Variants in ASMTL observed in about 807,000 individuals in gnomAD.
The protein encoded by ASMTL is probable bifunctional dTTP/UTP pyrophosphatase/methyltransferase protein.
In ASMTL, 57 loss-of-function variants were observed where a neutral mutation model predicts 60.3. That is an observed-to-expected ratio of 0.95 (90% confidence interval 0.76 to 1.18). The LOEUF is 1.18. ASMTL is among the 50% of genes most tolerant of loss of function. The pLI, the probability that ASMTL is intolerant of heterozygous loss-of-function variation, is 0.00. For synonymous variants in ASMTL, 419 were observed against 373.0 expected, an observed-to-expected ratio of 1.12 and a Z score of -1.42; for missense variants, 981 against 852.6, an observed-to-expected ratio of 1.15 and a Z score of -1.88.
At chrX:1,435,138 A>C in intron 4 of ASMTL, 55 bp from the exon 5 acceptor site, 1 of 1,595,356 alleles carries the variant, frequency 6.3e-7, no homozygotes, top group Non-Finnish European at 8.6e-7. Flanking sequence ...TGGGAGCTAC[A>C]AAGCGAGTTT....
At chrX:1,418,216 GCATT>G in intron 10 of ASMTL, 100 bp from the exon 11 acceptor site, 1 of 1,333,022 alleles carries the variant, frequency 7.5e-7, no homozygotes, top group Non-Finnish European at 1.0e-6. Flanking sequence ...CAAGGGCATG[GCATT>G]GATTCCCATG....
intron 6 of ASMTL, among the ~76,000 whole-genome samples, chrX:1,430,582 G>A (rs1209320133): frequency 6.6e-6 from 1 of 151,768 alleles, no homozygotes. Context: ...ACCAGCCTGG[G>A]CAACATAGTG....
intron 3 of ASMTL, 58 bp downstream of exon 3, chrX:1,439,039 A>G (rs2091043266): frequency 2.5e-6 from 4 of 1,571,414 alleles, no homozygotes; most frequent in Admixed American, 3.3e-5. Context: ...AGGCAGAATC[A>G]CCAAGCACAG....
At chrX:1,420,960 AT>A (rs57552675) in intron 9 of ASMTL, among the ~76,000 whole-genome samples, 17,189 of 135,214 alleles carry the variant, frequency 0.13, 1,208 homozygotes, top group Middle Eastern at 0.22. Context: ...CTAATCGTTA[AT>A]TTTTTTTTTT....
intron 1 of ASMTL, among the ~76,000 whole-genome samples, chrX:1,444,127 A>G (rs1450979635): frequency 1.3e-5 from 2 of 151,968 alleles, no homozygotes; most frequent in Non-Finnish European, 2.9e-5. Context: ...CAACCCCGCA[A>G]TCAATTTTCC....
intron 2 of ASMTL, among the ~76,000 whole-genome samples, chrX:1,439,744 C>T (rs1406400881): frequency 6.7e-6 from 1 of 149,566 alleles, no homozygotes; most frequent in Non-Finnish European, 1.5e-5. Context: ...GCTGAGGCAG[C>T]AGAATCGCTT....
At chrX:1,443,140 C>CCGCCATCGTGGACACAT (rs1373341125) in intron 1 of ASMTL, among the ~76,000 whole-genome samples, 1 of 139,398 alleles carries the variant, frequency 7.2e-6, no homozygotes, top group African/African-American at 2.7e-5. Context: ...CGTGGACACA[C>CCGCCATCGTGGACACAT]GCCGCCATCT....
intron 12 of ASMTL, among the ~76,000 whole-genome samples, chrX:1,411,171 G>GTA (rs1569531276): frequency 7.3e-5 from 11 of 151,526 alleles, no homozygotes; most frequent in African/African-American, 2.7e-4. Flanking sequence ...GCGACAGAGC[G>GTA]AGACTCCGTC....
intron 4 of ASMTL, 27 bp downstream of exon 4, chrX:1,435,667 G>A (rs1208672415): frequency 6.2e-7 from 1 of 1,612,158 alleles, no homozygotes; most frequent in African/African-American, 1.3e-5. Flanking sequence ...GAACCCGAGA[G>A]GGCTCAGAGG....
Position 1,412,756 on chromosome X carries a change from T to C in ASMTL, c.1621A>G (p.Arg541Gly). ...PDDKVHKLLS[R>G]VAESCKPGAG... ...CCTGGCTTGCAGCTCTCGGCGACCCTGCTGAGTAACTTGTGGACTTTGTCG... is the reference window on the plus strand; with the variant it reads ...CCTGGCTTGCAGCTCTCGGCGACCCCGCTGAGTAACTTGTGGACTTTGTCG... The change falls in exon 12 of 13, where the codon AGG becomes GGG. Residue 541 changes from arginine to glycine, a missense_variant. By Grantham distance (125) the Arg-to-Gly change is moderately radical. Coordinates refer to ENST00000381317, the MANE Select transcript of ASMTL (RefSeq NM_004192.4). The C allele has an allele frequency of 1.2e-6, 2 of 1,613,976 alleles. No homozygotes were observed. Among genetic ancestry groups the C allele is most frequent in the Non-Finnish European group, 1.7e-6 (2 of 1,179,868 alleles).
At chrX:1,435,150 T>C in intron 4 of ASMTL, 67 bp from the exon 5 acceptor site, 1 of 1,561,558 alleles carries the variant, frequency 6.4e-7, no homozygotes, top group Non-Finnish European at 8.8e-7. Context: ...AGCGAGTTTC[T>C]CAAAACCAGG....
chrX:1,429,092 A>T (rs2090699964), intron 6 of ASMTL, among the ~76,000 whole-genome samples: 2 of 151,482 alleles, frequency 1.3e-5, no homozygotes, highest in South Asian at 4.2e-4. Context: ...ACGGGGTTTC[A>T]CCATGTTGGC....
chrX:1,428,038 C>G lies in ASMTL; in HGVS notation c.593G>C (p.Gly198Ala), dbSNP rs1361145195. 6.2e-7 allele frequency: 1 copy of G among 1,613,586 alleles called. No homozygotes were observed. Among genetic ancestry groups the G allele is most frequent in the Non-Finnish European group, 8.5e-7 (1 of 1,179,870 alleles). The change falls in exon 7 of 13, where the codon GGA becomes GCA. Residue 198 changes from glycine (G) to alanine (A), a missense_variant. By Grantham distance (60) the Gly-to-Ala change is moderately conservative. Coordinates refer to ENST00000381317, the MANE Select transcript of ASMTL (RefSeq NM_004192.4). ...CTTGCAGAAGTGGTTCAGCGGGAAT[C>G]CCACCACGTTCAGAAAGTCCCCGTG... ...SVHGDFLNVV[G>A]FPLNHFCKQL...
At chrX:1,404,750 G>T (rs1385657395) in intron 12 of ASMTL, among the ~76,000 whole-genome samples, 2 of 150,000 alleles carry the variant, frequency 1.3e-5, no homozygotes, top group African/African-American at 5.0e-5. Flanking sequence ...TGAATAGATG[G>T]TACATGATGG....
rs5948842 is a variant in ASMTL, at chrX:1,412,872, C to T, written c.1523-18G>A. On this transcript the variant is annotated intron_variant, in intron 11 of 12. Coordinates refer to ENST00000381317, the MANE Select transcript of ASMTL (RefSeq NM_004192.4). ...AAAGTCACCTGGTTTAAAGACAAAA[C>T]GAGATACGTCCGTCAGGTATGGAAG... The T allele has an allele frequency of 1.9e-5, 31 of 1,612,962 alleles. No homozygotes were observed. The highest frequency in any genetic ancestry group is 2.2e-5 in the South Asian group (2 of 91,068).
chrX:1,418,415 G>T (rs1239810028), intron 10 of ASMTL, among the ~76,000 whole-genome samples: 1 of 151,524 alleles, frequency 6.6e-6, no homozygotes, highest in Non-Finnish European at 1.5e-5. Context: ...AGCCACTCTG[G>T]GCCACGTGTA....
chrX:1,440,467 A>G (rs1315880637), intron 2 of ASMTL, among the ~76,000 whole-genome samples: 1 of 152,202 alleles, frequency 6.6e-6, no homozygotes, highest in Non-Finnish European at 1.5e-5. Flanking sequence ...CATTAACTCT[A>G]TATCCTAAAT....
chrX:1,420,069 T>TATC (rs1342158030), intron 9 of ASMTL, among the ~76,000 whole-genome samples: 2 of 151,918 alleles, frequency 1.3e-5, no homozygotes, highest in African/African-American at 2.4e-5. Flanking sequence ...TTTCTGTCTC[T>TATC]ATCTGCCTCT....
intron 10 of ASMTL, 67 bp downstream of exon 10, chrX:1,418,915 G>A: frequency 3.1e-6 from 5 of 1,599,314 alleles, no homozygotes; most frequent in Non-Finnish European, 4.3e-6. Flanking sequence ...TAGGTGTCCT[G>A]AGCAGGGAAG....
Sources: allele counts gnomAD v4.1 joint callset (sites outside exome capture counted in the v4.1 genomes callset), GRCh38; gene constraint gnomAD v4.1.1; transcripts MANE v1.5; gene names NCBI Gene and HGNC (gene_info 2026-07-23, HGNC 2026-07-21).